SHISA9: variants seen among roughly 807,000 people sequenced by gnomAD.
SHISA9 encodes the protein shisa family member 9.
SHISA9 carries 13 observed loss-of-function variants against 38.0 expected under a neutral mutation model. The observed-to-expected ratio is 0.34, with a 90% CI of 0.22 to 0.54. SHISA9 has a LOEUF of 0.54. Ranked by LOEUF, SHISA9 falls within the 20% of genes least tolerant of loss-of-function variation. The pLI, the probability that SHISA9 is intolerant of heterozygous loss-of-function variation, is 0.91. For missense variants in SHISA9, 538 were observed against 575.8 expected (o/e 0.93, Z 0.67); for synonymous variants, 275 against 242.0 (o/e 1.14, Z -1.27).
the SHISA9 span, among the ~76,000 whole-genome samples, chr16:13,366,561 G>T: frequency 6.6e-6 from 1 of 152,140 alleles, no homozygotes; most frequent in Non-Finnish European, 1.5e-5. Flanking sequence ...CCAGGTTTTA[G>T]TCAGGGTGCA....
chr16:13,418,324 T>G, the SHISA9 span, among the ~76,000 whole-genome samples: 1 of 152,208 alleles, frequency 6.6e-6, no homozygotes, highest in Non-Finnish European at 1.5e-5. Context: ...ATCAGGAATT[T>G]GAAAGCCCAT....
downstream of SHISA9, among the ~76,000 whole-genome samples, chr16:13,243,443 T>G (rs1003815350): frequency 1.3e-5 from 2 of 151,900 alleles, no homozygotes; most frequent in Non-Finnish European, 2.9e-5. Context: ...CAACTCAAAG[T>G]GGGGGGGCTT....
chr16:13,152,303 G>A (rs756751012), intron 2 of SHISA9, among the ~76,000 whole-genome samples: 2 of 151,998 alleles, frequency 1.3e-5, no homozygotes, highest in Non-Finnish European at 2.9e-5. Context: ...CTATGTGTCT[G>A]CCTATCTTTA....
chr16:13,201,411 A>C (rs1418060523), intron 2 of SHISA9, among the ~76,000 whole-genome samples: 1 of 135,854 alleles, frequency 7.4e-6, no homozygotes, highest in African/African-American at 2.9e-5. Context: ...CTGTATTTTT[A>C]CTTGTATTAT....
intron 2 of SHISA9, among the ~76,000 whole-genome samples, chr16:13,137,989 C>A (rs1473132386): frequency 6.6e-6 from 1 of 152,122 alleles, no homozygotes; most frequent in Non-Finnish European, 1.5e-5. Context: ...AATGATAGTT[C>A]ACACAGATAA....
In SHISA9 at chr16:12,908,575, A is replaced by G. The variant is rs533708911; in HGVS notation, c.563+5948A>G. The G allele has an allele frequency of 1.5e-5, 24 of 1,551,836 alleles. No individual in the cohort carries two copies. In the African/African-American group the frequency reaches 2.5e-4, roughly 16 times the overall value. On this transcript the variant is annotated intron_variant, in intron 1 of 4. Coordinates refer to ENST00000558583, the MANE Select transcript of SHISA9 (RefSeq NM_001145204.3). ...GGAGTGTCGGACTTCAAACCTGGAC[A>G]GTCTGAGTGCACGGATCCTTGGCCG...
At chr16:13,342,944 A>C in the SHISA9 span, among the ~76,000 whole-genome samples, 4 of 152,322 alleles carry the variant, frequency 2.6e-5, no homozygotes, top group African/African-American at 9.6e-5. Context: ...TTCCTATTGA[A>C]ATTGCTTTTC....
At chr16:13,195,644 A>G (rs2050930798) in intron 2 of SHISA9, among the ~76,000 whole-genome samples, 1 of 152,178 alleles carries the variant, frequency 6.6e-6, no homozygotes. Context: ...TCTGTCCAAC[A>G]CTTCCTAAGC....
the SHISA9 span, among the ~76,000 whole-genome samples, chr16:13,431,831 C>T: frequency 6.6e-6 from 1 of 152,102 alleles, no homozygotes; most frequent in South Asian, 2.1e-4. Context: ...GAGGCTGAGG[C>T]GGGCGGATCA....
the SHISA9 span, among the ~76,000 whole-genome samples, chr16:13,301,871 G>A: frequency 2.0e-5 from 3 of 152,182 alleles, no homozygotes; most frequent in East Asian, 1.9e-4. Context: ...AATGTCAAAC[G>A]AGGCTAATGT....
At chr16:13,083,792 T>C (rs1388541251) in intron 2 of SHISA9, among the ~76,000 whole-genome samples, 1 of 152,134 alleles carries the variant, frequency 6.6e-6, no homozygotes, top group African/African-American at 2.4e-5. Flanking sequence ...CAATTTTCCA[T>C]AGACGAAGGT....
intron 2 of SHISA9, among the ~76,000 whole-genome samples, chr16:12,930,965 A>T (rs530120523): frequency 1.3e-5 from 2 of 152,050 alleles, no homozygotes; most frequent in Non-Finnish European, 2.9e-5. Context: ...GCACTTACCT[A>T]CTCTTTGACT....
chr16:13,185,895 C>T (rs1352907382), intron 2 of SHISA9, among the ~76,000 whole-genome samples: 2 of 152,186 alleles, frequency 1.3e-5, no homozygotes, highest in Non-Finnish European at 2.9e-5. Flanking sequence ...TAATCAAGGA[C>T]TGAGTTTTGT....
chr16:13,401,917 A>C, the SHISA9 span, among the ~76,000 whole-genome samples: 4 of 152,064 alleles, frequency 2.6e-5, no homozygotes, highest in African/African-American at 9.7e-5. Flanking sequence ...GTGCCAGGGA[A>C]CTGCCCTTTA....
intron 2 of SHISA9, among the ~76,000 whole-genome samples, chr16:13,035,897 A>G (rs1293479892): frequency 6.6e-6 from 1 of 152,234 alleles, no homozygotes; most frequent in Non-Finnish European, 1.5e-5. Context: ...CAATAAGTAC[A>G]TGAAAAGATG....
At chr16:13,192,806 T>C (rs1054610872) in intron 2 of SHISA9, among the ~76,000 whole-genome samples, 6 of 151,176 alleles carry the variant, frequency 4.0e-5, no homozygotes, top group Non-Finnish European at 8.8e-5. Context: ...ACCCCAGAGG[T>C]GGAGGTTGCA....
intron 2 of SHISA9, among the ~76,000 whole-genome samples, chr16:12,938,404 C>T (rs543482692): frequency 6.6e-6 from 1 of 152,292 alleles, no homozygotes; most frequent in East Asian, 1.9e-4. Context: ...CTGTTTCTTC[C>T]ACTCCCATGA....
At chr16:13,159,429 C>T (rs1276630942) in intron 2 of SHISA9, among the ~76,000 whole-genome samples, 1 of 152,126 alleles carries the variant, frequency 6.6e-6, no homozygotes, top group East Asian at 1.9e-4. Context: ...CACAGATGCT[C>T]CTGAGCACAG....
chr16:13,395,386 C>G, the SHISA9 span, among the ~76,000 whole-genome samples: 1 of 152,182 alleles, frequency 6.6e-6, no homozygotes, highest in South Asian at 2.1e-4. Context: ...CATGATAGCC[C>G]ATAGGGCAAG....
Sources: gnomAD v4.1 joint callset for allele counts (sites outside exome capture counted in the v4.1 genomes callset) on GRCh38, gnomAD v4.1.1 for gene constraint, MANE v1.5 for transcripts, NCBI Gene and HGNC (gene_info 2026-07-23, HGNC 2026-07-21) for gene names.